Variants in ROBO2 observed in about 807,000 individuals in gnomAD.
ROBO2 encodes roundabout homolog 2.
A neutral mutation model predicts 160.8 loss-of-function variants in ROBO2; 53 were observed. That is an observed-to-expected ratio of 0.33 (90% CI 0.26 to 0.41). The LOEUF (loss-of-function observed/expected upper bound fraction) is 0.41, where lower values mean the gene tolerates loss of function less well. Among genes scored for constraint, ROBO2 ranks in the 10% least tolerant of loss-of-function variants. ROBO2 has a pLI of 1.00. For missense variants in ROBO2, 1,577 were observed against 1,722.4 expected (o/e 0.92, Z 1.49); for synonymous variants, 664 against 611.7 (o/e 1.09, Z -1.26).
intron 2 of ROBO2, among the ~76,000 whole-genome samples, chr3:75,969,855 G>A (rs1013046822): frequency 6.6e-6 from 1 of 151,434 alleles, no homozygotes; most frequent in African/African-American, 2.4e-5. Context: ...TCATTTTGTT[G>A]AATGTTTGCT....
chr3:76,209,135 C>A (rs1702987393), intron 2 of ROBO2, among the ~76,000 whole-genome samples: 1 of 152,148 alleles, frequency 6.6e-6, no homozygotes, highest in Non-Finnish European at 1.5e-5. Context: ...TGTTACATGG[C>A]AAGGCATGTG....
intron 2 of ROBO2, among the ~76,000 whole-genome samples, chr3:77,179,013 G>C (rs1336796125): frequency 1.3e-5 from 2 of 151,860 alleles, no homozygotes; most frequent in East Asian, 3.9e-4. Flanking sequence ...ATCTTAGGTA[G>C]GTAGGTATGT....
At chr3:76,196,268 C>G (rs778150806) in intron 2 of ROBO2, among the ~76,000 whole-genome samples, 3 of 152,142 alleles carry the variant, frequency 2.0e-5, no homozygotes, top group Non-Finnish European at 4.4e-5. Context: ...CAATTGAATT[C>G]TTGGTATTTA....
intron 2 of ROBO2, among the ~76,000 whole-genome samples, chr3:76,698,149 T>C (rs1044686462): frequency 1.3e-5 from 2 of 152,206 alleles, no homozygotes; most frequent in Non-Finnish European, 2.9e-5. Flanking sequence ...CCATCTGTAC[T>C]ATGTTAGCTT....
At chr3:76,619,049 GA>G (rs1218179913) in intron 2 of ROBO2, among the ~76,000 whole-genome samples, 1 of 151,590 alleles carries the variant, frequency 6.6e-6, no homozygotes, top group Non-Finnish European at 1.5e-5. Context: ...AAAAAGGAAA[GA>G]AAAAAATAGG....
intron 2 of ROBO2, among the ~76,000 whole-genome samples, chr3:77,211,578 A>G (rs1248965348): frequency 2.6e-5 from 4 of 152,078 alleles, no homozygotes; most frequent in African/African-American, 9.7e-5. Flanking sequence ...CTTTAGTTTA[A>G]TTAGATCCCA....
At chr3:77,209,107 T>C (rs955113900) in intron 2 of ROBO2, among the ~76,000 whole-genome samples, 2 of 152,210 alleles carry the variant, frequency 1.3e-5, no homozygotes, top group African/African-American at 4.8e-5. Flanking sequence ...TTTGTACAGA[T>C]ATTCATCTAT....
intron 2 of ROBO2, among the ~76,000 whole-genome samples, chr3:76,699,951 A>C (rs1192802795): frequency 6.6e-6 from 1 of 152,132 alleles, no homozygotes. Flanking sequence ...TGGTAAATGC[A>C]ACTTATGGCC....
intron 2 of ROBO2, among the ~76,000 whole-genome samples, chr3:77,275,395 A>G (rs1440905193): frequency 6.6e-6 from 1 of 152,194 alleles, no homozygotes; most frequent in African/African-American, 2.4e-5. Context: ...TCCCTGATAA[A>G]CTTGAGTGTA....
At chr3:76,008,889 T>C (rs2066110001) in intron 2 of ROBO2, among the ~76,000 whole-genome samples, 1 of 152,150 alleles carries the variant, frequency 6.6e-6, no homozygotes, top group Non-Finnish European at 1.5e-5. Flanking sequence ...CGGGGAAATC[T>C]ATGTATATTT....
intron 2 of ROBO2, among the ~76,000 whole-genome samples, chr3:76,398,529 T>A (rs1324110230): frequency 6.6e-6 from 1 of 151,734 alleles, no homozygotes; most frequent in Non-Finnish European, 1.5e-5. Context: ...TTAGTTACGA[T>A]CTTCCCCTGG....
At chr3:77,034,825 AT>A (rs1412658949) in intron 2 of ROBO2, among the ~76,000 whole-genome samples, 1 of 152,004 alleles carries the variant, frequency 6.6e-6, no homozygotes, top group African/African-American at 2.4e-5. Context: ...AATTATACAA[AT>A]TCCAGATCGG....
intron 9 of ROBO2, among the ~76,000 whole-genome samples, chr3:77,558,480 T>A (rs1418649680): frequency 6.6e-6 from 1 of 152,056 alleles, no homozygotes; most frequent in African/African-American, 2.4e-5. Context: ...AACAAATGCT[T>A]CTGATTTACT....
In ROBO2 at chr3:77,255,142, G is replaced by A. The variant is rs752490676; in HGVS notation, c.388+156802G>A. Among the ~76,000 whole-genome samples, 56 of 152,246 alleles carry A rather than the reference G, an allele frequency of 3.7e-4. 1 individual carries two copies. Among genetic ancestry groups the A allele is most frequent in the Non-Finnish European group, 6.5e-4 (44 of 68,024 alleles). ...TGGTAAAGGGACAGAGAAATGTAAG[G>A]TTACCCAGTGAAATATGAACTCAGA... On this transcript the variant is annotated intron_variant, in intron 2 of 25. Coordinates refer to ENST00000461745, the Ensembl canonical transcript of ROBO2.
chr3:77,200,319 ATATT>A (rs1189379536), intron 2 of ROBO2, among the ~76,000 whole-genome samples: 2,564 of 61,334 alleles, frequency 0.042, 305 homozygotes, highest in Middle Eastern at 0.087. Context: ...ATATATATAT[ATATT>A]TTAGTTTCTA....
chr3:76,282,353 C>T (rs1708276570), intron 2 of ROBO2, among the ~76,000 whole-genome samples: 2 of 151,984 alleles, frequency 1.3e-5, no homozygotes, highest in Admixed American at 6.6e-5. Flanking sequence ...CATTGTTAGA[C>T]TGTTAGTCTC....
intron 1 of ROBO2, among the ~76,000 whole-genome samples, chr3:77,088,119 A>G (rs2069599371): frequency 6.6e-6 from 1 of 152,174 alleles, no homozygotes; most frequent in Admixed American, 6.5e-5. Flanking sequence ...GACTTAGCTG[A>G]TAAAGGCACT....
chr3:76,216,581 A>C (rs910119996), intron 2 of ROBO2, among the ~76,000 whole-genome samples: 6 of 152,232 alleles, frequency 3.9e-5, no homozygotes, highest in Non-Finnish European at 7.3e-5. Context: ...ACGTAATGGT[A>C]AAGGGATCAA....
intron 2 of ROBO2, among the ~76,000 whole-genome samples, chr3:77,289,972 A>G (rs1336436019): frequency 6.6e-6 from 1 of 152,140 alleles, no homozygotes; most frequent in South Asian, 2.1e-4. Context: ...GACATTAAGT[A>G]AAATTGATGG....
Sources: gnomAD v4.1 joint callset for allele counts (sites outside exome capture counted in the v4.1 genomes callset) on GRCh38, gnomAD v4.1.1 for gene constraint, MANE v1.5 for transcripts, NCBI Gene and HGNC (gene_info 2026-07-23, HGNC 2026-07-21) for gene names.